MTMR3: variants seen among roughly 807,000 people sequenced by gnomAD.
The protein encoded by MTMR3 is phosphatidylinositol-3,5-bisphosphate 3-phosphatase MTMR3.
In MTMR3, 32 loss-of-function variants were observed where a neutral mutation model predicts 132.4. The ratio of observed to expected loss-of-function variants is 0.24; its 90% CI spans 0.18 to 0.32. MTMR3 has a LOEUF of 0.32. Among genes scored for constraint, MTMR3 ranks in the 10% least tolerant of loss-of-function variants. The pLI, the probability that MTMR3 is intolerant of heterozygous loss-of-function variation, is 1.00. For synonymous variants in MTMR3, 556 were observed against 550.3 expected, an observed-to-expected ratio of 1.01 and a Z score of -0.14; for missense variants, 1,216 against 1,489.6, an observed-to-expected ratio of 0.82 and a Z score of 3.02.
At chr22:29,981,818 C>CA (rs34291296) in intron 5 of MTMR3, 16,376 of 106,576 alleles carry the variant, frequency 0.15, 1,292 homozygotes, top group South Asian at 0.29. Context: ...GAGACTCTGT[C>CA]AAAAAAAAAA....
intron 1 of MTMR3, among the ~76,000 whole-genome samples, chr22:29,888,280 A>G (rs1414974652): frequency 2.6e-5 from 4 of 152,046 alleles, no homozygotes; most frequent in Non-Finnish European, 5.9e-5. Context: ...CCTGGGCTCA[A>G]AGGTAGTCCT....
chr22:30,010,656 A>G (rs2067395334), intron 12 of MTMR3: 1 of 152,196 alleles, frequency 6.6e-6, no homozygotes, highest in South Asian at 2.1e-4. Context: ...GACAACACCA[A>G]CTGGTATTAA....
intron 11 of MTMR3, 162 bp from the exon 12 acceptor site, chr22:30,008,856 T>G: frequency 1.9e-6 from 1 of 517,952 alleles, no homozygotes; most frequent in South Asian, 3.0e-5. Context: ...GTGTTCCTCT[T>G]ATTATAAAGG....
chr22:29,908,433 T>C (rs1219214550), intron 1 of MTMR3, among the ~76,000 whole-genome samples: 3 of 152,210 alleles, frequency 2.0e-5, no homozygotes, highest in Non-Finnish European at 4.4e-5. Context: ...TTGCACACTT[T>C]AGGAGTAAAA....
rs2066143300 is a variant in MTMR3 at position 29,954,204 on chromosome 22, C to T, written c.-137-2832C>T. Among the ~76,000 whole-genome samples, 4 of 151,712 alleles carry T rather than the reference C, an allele frequency of 2.6e-5. No homozygotes were observed. In the South Asian group the frequency reaches 8.3e-4, roughly 32 times the overall value. On this transcript the variant is annotated intron_variant, in intron 1 of 19. Coordinates refer to ENST00000401950, the MANE Select transcript of MTMR3 (RefSeq NM_021090.4). ...TCAAGCAACCCTCCTGCCTCAGCCT[C>T]CCGAGTACCTGGGACTACAAATGTG...
chr22:29,940,608 T>G (rs1050218471), intron 1 of MTMR3, among the ~76,000 whole-genome samples: 1 of 149,964 alleles, frequency 6.7e-6, no homozygotes, highest in Non-Finnish European at 1.5e-5. Context: ...AATCGGAACA[T>G]TCTTTAAGGT....
At chr22:29,947,562 T>C (rs1030307067) in intron 1 of MTMR3, among the ~76,000 whole-genome samples, 1 of 151,814 alleles carries the variant, frequency 6.6e-6, no homozygotes, top group Admixed American at 6.6e-5. Flanking sequence ...AATGATGGTG[T>C]AAGAATTTTT....
At chr22:29,936,884 C>G (rs1038065200) in intron 1 of MTMR3, among the ~76,000 whole-genome samples, 1 of 151,914 alleles carries the variant, frequency 6.6e-6, no homozygotes, top group African/African-American at 2.4e-5. Flanking sequence ...AAATATGGCC[C>G]CTCATGCTAT....
intron 3 of MTMR3, among the ~76,000 whole-genome samples, chr22:29,973,249 T>C (rs1460054501): frequency 6.6e-6 from 1 of 152,228 alleles, no homozygotes; most frequent in Admixed American, 6.5e-5. Flanking sequence ...AGTCTGTCTT[T>C]GAGAGGTTAA....
At chr22:29,959,793 C>G (rs900610714) in intron 2 of MTMR3, among the ~76,000 whole-genome samples, 30 of 146,968 alleles carry the variant, frequency 2.0e-4, no homozygotes, top group African/African-American at 7.0e-4. Context: ...CAAGGTCTCA[C>G]TCTTGCCCAT....
In MTMR3 at chr22:29,930,945, T is replaced by C. The variant is rs144145342; in HGVS notation, c.-137-26091T>C. 4.6e-3 allele frequency among the ~76,000 whole-genome samples: 682 copies of C among 148,630 alleles called. 6 individuals are homozygous for C. Among genetic ancestry groups the C allele is most frequent in the African/African-American group, 0.016 (644 of 40,266 alleles). ...TCACTTGATCCTGGGAGGTGGAGGCTGCAGTGAGCCATGATCACACCACTG... is the reference window on the plus strand; with the variant it reads ...TCACTTGATCCTGGGAGGTGGAGGCCGCAGTGAGCCATGATCACACCACTG... On this transcript the variant is annotated intron_variant, in intron 1 of 19. Transcript: ENST00000401950.
intron 7 of MTMR3, chr22:29,996,582 G>T (rs144719487): frequency 6.6e-6 from 1 of 152,264 alleles, no homozygotes; most frequent in East Asian, 1.9e-4. Flanking sequence ...AATACTTACA[G>T]CTTTTGCAAA....
At chr22:29,915,159 A>G (rs761644706) in intron 1 of MTMR3, among the ~76,000 whole-genome samples, 2 of 152,170 alleles carry the variant, frequency 1.3e-5, no homozygotes, top group African/African-American at 2.4e-5. Flanking sequence ...GTTTTTAGGT[A>G]CATACATATT....
At chr22:29,974,638 AGAGT>A (rs1443806532) in intron 3 of MTMR3, among the ~76,000 whole-genome samples, 2 of 152,198 alleles carry the variant, frequency 1.3e-5, no homozygotes, top group Non-Finnish European at 2.9e-5. Context: ...TGTGCCAGCA[AGAGT>A]GAGTAGGTAA....
At chr22:29,934,717 A>G (rs542773233) in intron 1 of MTMR3, among the ~76,000 whole-genome samples, 1 of 152,338 alleles carries the variant, frequency 6.6e-6, no homozygotes, top group African/African-American at 2.4e-5. Flanking sequence ...ATCTAGAAAC[A>G]TACTAGCTTT....
intron 7 of MTMR3, chr22:29,996,595 CT>C (rs2067065201): frequency 1.3e-5 from 2 of 152,184 alleles, no homozygotes; most frequent in African/African-American, 4.8e-5. Flanking sequence ...TTTGCAAAGA[CT>C]TGGAGCTATA....
At chr22:29,899,928 T>A (rs1265693925) in intron 1 of MTMR3, among the ~76,000 whole-genome samples, 1 of 152,192 alleles carries the variant, frequency 6.6e-6, no homozygotes. Flanking sequence ...TAAAAACTTT[T>A]GCCTCGCAAA....
chr22:29,896,217 C>T (rs577112908), intron 1 of MTMR3, among the ~76,000 whole-genome samples: 97 of 152,214 alleles, frequency 6.4e-4, no homozygotes, highest in African/African-American at 2.1e-3. Flanking sequence ...GGCTGAGGCA[C>T]GAGAATCGCT....
intron 8 of MTMR3, chr22:30,001,695 G>T (rs2067178976): frequency 6.6e-6 from 1 of 152,184 alleles, no homozygotes; most frequent in South Asian, 2.1e-4. Context: ...TTACTCTTGA[G>T]TTTAATACAT....
Sources: allele counts gnomAD v4.1 joint callset (sites outside exome capture counted in the v4.1 genomes callset), GRCh38; gene constraint gnomAD v4.1.1; transcripts MANE v1.5; gene names NCBI Gene and HGNC (gene_info 2026-07-23, HGNC 2026-07-21).